Variants in SYNE2 observed in about 807,000 individuals in gnomAD.
The protein encoded by SYNE2 is spectrin repeat containing nuclear envelope protein 2.
Under a neutral mutation model 856.3 loss-of-function variants are expected in SYNE2, and 431 were observed. That is an observed-to-expected ratio of 0.50 (90% confidence interval 0.47 to 0.55). SYNE2 has a LOEUF of 0.55. Among genes scored for constraint, SYNE2 ranks in the 20% least tolerant of loss-of-function variants. The probability of loss-of-function intolerance (pLI) is 0.00; values close to 1 mark genes in which losing one functional copy is unlikely to be tolerated. For missense variants in SYNE2, 8,129 were observed against 8,023.2 expected, an observed-to-expected ratio of 1.01 and a Z score of -0.50; for synonymous variants, 2,923 against 2,872.3, an observed-to-expected ratio of 1.02 and a Z score of -0.56.
At chr14:63,909,656 A>T (rs1302009820) in intron 2 of SYNE2, among the ~76,000 whole-genome samples, 9 of 152,198 alleles carry the variant, frequency 5.9e-5, no homozygotes, top group Non-Finnish European at 1.0e-4. Flanking sequence ...AGCCTGACCA[A>T]CATGGGGAAA....
intron 1 of SYNE2, among the ~76,000 whole-genome samples, chr14:63,844,679 A>G (rs1368255412): frequency 6.6e-6 from 1 of 152,176 alleles, no homozygotes; most frequent in Non-Finnish European, 1.5e-5. Context: ...AGATTGTGGA[A>G]TCAATATTAT....
chr14:63,982,805 T>C lies in SYNE2; in HGVS notation c.2001+11T>C. The C allele has an allele frequency of 6.2e-7, 1 of 1,613,372 alleles. No homozygotes were observed. The highest frequency in any genetic ancestry group is 8.5e-7 in the Non-Finnish European group (1 of 1,179,532). On this transcript the variant is annotated intron_variant, in intron 17 of 115. Coordinates refer to ENST00000555002, the MANE Select transcript of SYNE2 (RefSeq NM_182914.3). ...TCAAAAACTCAACTTGTAAGTTCTT[T>C]TGATTGGTTGCAGCTTTATTTAGAT...
At chr14:63,912,515 T>G (rs2153358640) in intron 2 of SYNE2, among the ~76,000 whole-genome samples, 1 of 152,328 alleles carries the variant, frequency 6.6e-6, no homozygotes, top group Non-Finnish European at 1.5e-5. Flanking sequence ...AGAGATTTCA[T>G]GTAATATAAG....
chr14:63,788,474 C>T (rs1887620438), intron 1 of SYNE2, among the ~76,000 whole-genome samples: 3 of 152,108 alleles, frequency 2.0e-5, no homozygotes, highest in South Asian at 2.1e-4. Flanking sequence ...TGCCTGCTCC[C>T]GGCCCACACA....
At chr14:64,095,245 T>C (rs1183075558) in intron 61 of SYNE2, 1 of 163,346 alleles carries the variant, frequency 6.1e-6, no homozygotes, top group African/African-American at 2.4e-5. Flanking sequence ...AATATTTTAA[T>C]AGTCCTTTTG....
At chr14:64,098,712 GC>G (rs1276257130) in intron 62 of SYNE2, 34 bp from the exon 63 acceptor site, 3 of 1,608,232 alleles carry the variant, frequency 1.9e-6, no homozygotes, top group Non-Finnish European at 2.6e-6. Flanking sequence ...TGACTGGCAA[GC>G]AGACTGCAGG....
intron 1 of SYNE2, among the ~76,000 whole-genome samples, chr14:63,902,015 C>T (rs532163951): frequency 6.6e-6 from 1 of 152,338 alleles, no homozygotes; most frequent in African/African-American, 2.4e-5. Context: ...ATTTTAAAAA[C>T]AATCCCACAT....
intron 1 of SYNE2, among the ~76,000 whole-genome samples, chr14:63,876,272 C>T (rs947190389): frequency 2.8e-5 from 4 of 145,128 alleles, no homozygotes; most frequent in Non-Finnish European, 4.5e-5. Flanking sequence ...AAAAAGTTAG[C>T]GGGGTGTGTT....
intron 45 of SYNE2, among the ~76,000 whole-genome samples, chr14:64,039,862 A>G (rs1183709634): frequency 6.6e-6 from 1 of 152,228 alleles, no homozygotes; most frequent in Non-Finnish European, 1.5e-5. Context: ...TAGATACTCC[A>G]GAATAGACAC....
chr14:64,184,358 G>GTGTGTGTGTA (rs989630777), intron 96 of SYNE2, among the ~76,000 whole-genome samples: 126 of 150,836 alleles, frequency 8.4e-4, no homozygotes, highest in African/African-American at 3.0e-3. Context: ...GTGTGTGTGT[G>GTGTGTGTGTA]TGTGTATGTG....
At chr14:64,200,847 C>T (rs987188559) in intron 99 of SYNE2, among the ~76,000 whole-genome samples, 1 of 151,812 alleles carries the variant, frequency 6.6e-6, no homozygotes, top group Non-Finnish European at 1.5e-5. Flanking sequence ...TGGCATTAAA[C>T]ATGGCCAGGA....
rs2098495951 is a variant in SYNE2 at position 64,187,158 on chromosome 14, T to C, written c.17712+579T>C. On this transcript the variant is annotated intron_variant, in intron 97 of 115. Transcript: ENST00000555002. ...TGTATTAATAGAGTATTACACGGTA[T>C]AGGCTTGTGACAGGATCAGTATTGA... Among the ~76,000 whole-genome samples the C allele has an allele frequency of 3.3e-5, 5 of 152,362 alleles. No individual in the cohort carries two copies. In the South Asian group the frequency reaches 1.0e-3, roughly 32 times the overall value.
chr14:63,873,388 T>TA (rs1595354039), intron 1 of SYNE2: 1 of 152,110 alleles, frequency 6.6e-6, no homozygotes, highest in East Asian at 1.9e-4. Context: ...TGTGAGTACT[T>TA]ACCTTTTTTG....
Position 63,966,714 on chromosome 14 carries a change from A to T in SYNE2, c.991-995A>T, listed in dbSNP as rs111814041. 1.3e-5 allele frequency among the ~76,000 whole-genome samples: 2 copies of T among 151,662 alleles called. 1 individual carries two copies. The highest frequency in any genetic ancestry group is 4.2e-4 in the South Asian group (2 of 4,800). ...GCTGGGACTACAGGTGTGTGTCACC[A>T]TGCCTAGCTAATTTTTTGTATTTTT... On this transcript the variant is annotated intron_variant, in intron 10 of 115. Transcript: ENST00000555002.
chr14:64,196,745 CAG>C, intron 99 of SYNE2: 1 of 152,246 alleles, frequency 6.6e-6, no homozygotes, highest in Non-Finnish European at 1.5e-5. Flanking sequence ...GCCAAGATAA[CAG>C]TGTGACTTTC....
At position 63,909,074 on chromosome 14, in the gene SYNE2, A is replaced by G. The variant is rs549763728; in HGVS notation, c.-51-24A>G. On this transcript the variant is annotated intron_variant, in intron 1 of 115. Transcript: ENST00000555002. ...AAACAGAGCTGCAAAGTTACTAATGAACATTTATCCATTTCACTTTCAGTT... is the reference window on the plus strand; with the variant it reads ...AAACAGAGCTGCAAAGTTACTAATGGACATTTATCCATTTCACTTTCAGTT... 97 of 1,076,746 alleles carry G rather than the reference A, an allele frequency of 9.0e-5. No individual in the cohort carries two copies. In the African/African-American group the frequency reaches 1.4e-3, roughly 15 times the overall value. 66.7% of individuals were successfully genotyped at this position (1,076,746 alleles called of 1,614,324 possible).
intron 17 of SYNE2, 35 bp downstream of exon 17, chr14:63,982,829 A>G: frequency 1.2e-6 from 2 of 1,602,390 alleles, no homozygotes; most frequent in South Asian, 1.1e-5. Context: ...CTTTATTTAG[A>G]TATGATTCAT....
At chr14:63,972,708 A>G (rs574671130) in intron 11 of SYNE2, among the ~76,000 whole-genome samples, 2 of 152,312 alleles carry the variant, frequency 1.3e-5, no homozygotes, top group East Asian at 1.9e-4. Context: ...AAAGGTAAAC[A>G]TTGCCTTCTG....
intron 1 of SYNE2, among the ~76,000 whole-genome samples, chr14:63,880,424 A>G (rs938562440): frequency 3.3e-5 from 5 of 152,196 alleles, no homozygotes; most frequent in African/African-American, 1.2e-4. Flanking sequence ...TGTGGGTTAC[A>G]TATTTTTCAT....
Sources: gnomAD v4.1 joint callset for allele counts (sites outside exome capture counted in the v4.1 genomes callset) on GRCh38, gnomAD v4.1.1 for gene constraint, MANE v1.5 for transcripts, NCBI Gene and HGNC (gene_info 2026-07-23, HGNC 2026-07-21) for gene names.